The following CNTN4 variants were observed in gnomAD, a reference collection of about 807,000 sequenced individuals.
CNTN4 encodes contactin-4.
A neutral mutation model predicts 122.5 loss-of-function variants in CNTN4; 77 were observed. That is an observed-to-expected ratio of 0.63 (90% confidence interval 0.52 to 0.76). The LOEUF (loss-of-function observed/expected upper bound fraction) is 0.76. CNTN4 is among the 30% of genes least tolerant of loss of function. CNTN4 has a pLI of 0.00. For synonymous variants in CNTN4, 512 were observed against 447.0 expected (o/e 1.15, Z -1.83); for missense variants, 1,256 against 1,259.1 (o/e 1.00, Z 0.04).
intron 2 of CNTN4, among the ~76,000 whole-genome samples, chr3:2,128,235 C>T (rs916849013): frequency 7.9e-5 from 12 of 152,204 alleles, no homozygotes; most frequent in Admixed American, 6.5e-4. Flanking sequence ...CTGAGCCAAT[C>T]AGTCACTGGT....
chr3:2,352,501 A>C (rs979331852), intron 3 of CNTN4, among the ~76,000 whole-genome samples: 1 of 152,220 alleles, frequency 6.6e-6, no homozygotes, highest in Admixed American at 6.5e-5. Flanking sequence ...AGGCCGGCAC[A>C]GCCAGCCCCT....
intron 6 of CNTN4, among the ~76,000 whole-genome samples, chr3:2,802,726 G>T (rs1191886385): frequency 6.6e-6 from 1 of 152,132 alleles, no homozygotes; most frequent in Non-Finnish European, 1.5e-5. Context: ...GGGCAACTTT[G>T]CAGAGAACAT....
At chr3:2,347,640 C>A (rs920426532) in intron 3 of CNTN4, among the ~76,000 whole-genome samples, 1 of 151,290 alleles carries the variant, frequency 6.6e-6, no homozygotes, top group Non-Finnish European at 1.5e-5. Flanking sequence ...AAACTCCTGA[C>A]TTCAGGTGAT....
At chr3:2,962,332 A>G (rs2094869584) in intron 13 of CNTN4, among the ~76,000 whole-genome samples, 1 of 152,212 alleles carries the variant, frequency 6.6e-6, no homozygotes, top group African/African-American at 2.4e-5. Flanking sequence ...ACTCTTCCGA[A>G]TATTCAAAGA....
At chr3:2,397,465 A>G (rs755770488) in intron 3 of CNTN4, among the ~76,000 whole-genome samples, 2 of 151,662 alleles carry the variant, frequency 1.3e-5, no homozygotes, top group African/African-American at 2.4e-5. Context: ...TTTTGTGAGC[A>G]CAAGATTAGT....
intron 6 of CNTN4, among the ~76,000 whole-genome samples, chr3:2,751,877 G>T (rs1326528501): frequency 6.6e-6 from 1 of 152,010 alleles, no homozygotes; most frequent in African/African-American, 2.4e-5. Context: ...GGCTTGAGAA[G>T]ATGAGATGTT....
intron 3 of CNTN4, among the ~76,000 whole-genome samples, chr3:2,502,479 T>C (rs1313259187): frequency 6.6e-6 from 1 of 152,186 alleles, no homozygotes; most frequent in Non-Finnish European, 1.5e-5. Flanking sequence ...CCTACAGTTG[T>C]GTAGCCTGAC....
intron 14 of CNTN4, among the ~76,000 whole-genome samples, chr3:3,003,684 C>CAAAAAAA (rs58290160): frequency 4.5e-3 from 349 of 76,950 alleles, no homozygotes; most frequent in East Asian, 0.01. Flanking sequence ...ATGGTTGCAC[C>CAAAAAAA]AAAAAAAAAA....
intron 3 of CNTN4, among the ~76,000 whole-genome samples, chr3:2,542,694 T>C (rs761278181): frequency 5.3e-5 from 8 of 152,126 alleles, no homozygotes; most frequent in Non-Finnish European, 7.4e-5. Flanking sequence ...ATCATAGAGA[T>C]GCTTTGTGGT....
intron 3 of CNTN4, among the ~76,000 whole-genome samples, chr3:2,559,138 A>C (rs151139866): frequency 6.5e-4 from 99 of 152,290 alleles, no homozygotes; most frequent in Non-Finnish European, 7.8e-4. Context: ...CTTTTTAAAA[A>C]CTGTCACATT....
chr3:2,582,107 T>G (rs2149574016), intron 4 of CNTN4, among the ~76,000 whole-genome samples: 1 of 152,312 alleles, frequency 6.6e-6, no homozygotes, highest in Non-Finnish European at 1.5e-5. Context: ...ACACTAAAAA[T>G]CACTTAACTG....
chr3:2,132,611 T>C (rs544842762), intron 2 of CNTN4, among the ~76,000 whole-genome samples: 1 of 152,284 alleles, frequency 6.6e-6, no homozygotes, highest in Admixed American at 6.5e-5. Context: ...TGCTGTACTC[T>C]CTGGACAGGG....
chr3:2,224,000 G>A (rs1454156433), intron 2 of CNTN4, among the ~76,000 whole-genome samples: 1 of 152,088 alleles, frequency 6.6e-6, no homozygotes, highest in Non-Finnish European at 1.5e-5. Context: ...GGAGGGTGAG[G>A]TGAATACAGG....
rs1041181784 is a variant in CNTN4, at chr3:2,574,933, G to A, written c.55+3375G>A. Among the ~76,000 whole-genome samples, 13 of 151,868 alleles carry A rather than the reference G, an allele frequency of 8.6e-5. No homozygotes were observed. In the East Asian group the frequency reaches 2.3e-3, roughly 27 times the overall value. ...ATTGGTTTTAAAAGTAAAAATAAAG[G>A]GCCTGTATAAAGCAAACCAAAATGG... is the stretch of plus-strand genomic sequence containing the variant. On this transcript the variant is annotated intron_variant, in intron 4 of 24. Transcript: ENST00000418658.
chr3:2,923,726 A>G (rs2094449035), intron 12 of CNTN4, among the ~76,000 whole-genome samples: 1 of 152,208 alleles, frequency 6.6e-6, no homozygotes. Context: ...ACACACACAT[A>G]CACTGTATTT....
At position 3,001,885 on chromosome 3, in the gene CNTN4, G is replaced by C. The variant is rs73805496; in HGVS notation, c.1486+13413G>C. Among the ~76,000 whole-genome samples the C allele has an allele frequency of 4.1e-3, 617 of 152,258 alleles. 6 individuals carry two copies. The highest frequency in any genetic ancestry group is 0.014 in the African/African-American group (589 of 41,552). Reference sequence around the variant, plus strand: ...GCATTTCACTCCCATATCTATACCAGAAGGTTATCAGTGGAAGAGAAATTC... The same window carrying C: ...GCATTTCACTCCCATATCTATACCACAAGGTTATCAGTGGAAGAGAAATTC... On this transcript the variant is annotated intron_variant, in intron 14 of 24. Coordinates refer to ENST00000418658, the MANE Select transcript of CNTN4 (RefSeq NM_175607.3).
rs571103145 is a variant in CNTN4, at chr3:2,459,712, T to C, written c.-88-111704T>C. On this transcript the variant is annotated intron_variant, in intron 3 of 24. Coordinates refer to ENST00000418658, the MANE Select transcript of CNTN4 (RefSeq NM_175607.3). ...AAGCTCTAGAAAGTGTTTAAGTCTT[T>C]TATTAGACCACTATGGCTGCAACAA... Among the ~76,000 whole-genome samples, 4 of 152,182 alleles carry C rather than the reference T, an allele frequency of 2.6e-5. No individual in the cohort carries two copies. In the South Asian group the frequency reaches 6.2e-4, roughly 24 times the overall value.
chr3:2,675,456 C>A (rs1446887980), intron 4 of CNTN4, among the ~76,000 whole-genome samples: 1 of 152,200 alleles, frequency 6.6e-6, no homozygotes, highest in East Asian at 1.9e-4. Context: ...TCTCAGCCAG[C>A]CAAAACTTAC....
chr3:2,524,076 A>G (rs1354245554), intron 3 of CNTN4, among the ~76,000 whole-genome samples: 1 of 152,092 alleles, frequency 6.6e-6, no homozygotes, highest in Non-Finnish European at 1.5e-5. Context: ...GAATTGTATA[A>G]CCATCAGCAT....
Sources: gnomAD v4.1 joint callset for allele counts (sites outside exome capture counted in the v4.1 genomes callset) on GRCh38, gnomAD v4.1.1 for gene constraint, MANE v1.5 for transcripts, NCBI Gene and HGNC (gene_info 2026-07-23, HGNC 2026-07-21) for gene names.